The following COL13A1 variants were observed in gnomAD, a reference collection of about 807,000 sequenced individuals.
COL13A1 encodes collagen alpha-1(XIII) chain.
In COL13A1, 89 loss-of-function variants were observed where a neutral mutation model predicts 130.9. That is an observed-to-expected ratio of 0.68 (90% CI 0.57 to 0.81). The LOEUF (loss-of-function observed/expected upper bound fraction) is 0.81, where lower values mean the gene tolerates loss of function less well. Among genes scored for constraint, COL13A1 ranks in the 30% least tolerant of loss-of-function variants. COL13A1 has a pLI of 0.00. For synonymous variants in COL13A1, 402 were observed against 341.6 expected, an observed-to-expected ratio of 1.18 and a Z score of -1.95; for missense variants, 879 against 934.6, an observed-to-expected ratio of 0.94 and a Z score of 0.78.
rs138594811 is a variant in COL13A1 at position 69,832,349 on chromosome 10, C to G, written c.364+9911C>G. 9.3e-4 allele frequency among the ~76,000 whole-genome samples: 141 copies of G among 152,358 alleles called. 2 individuals are homozygous for G. The East Asian group carries it at 0.024, about 26-fold the overall frequency. On this transcript the variant is annotated intron_variant, in intron 2 of 40. Transcript: ENST00000645393. ...GGGCCTTAGTTGGAATCCCAGCTCTCTGTCTAGCTCTCCAGCACAGCAAAA... is the reference window on the plus strand; with the variant it reads ...GGGCCTTAGTTGGAATCCCAGCTCTGTGTCTAGCTCTCCAGCACAGCAAAA...
rs77522319 is a variant in COL13A1, at chr10:69,929,322, C to G, written c.1485+323C>G. Among the ~76,000 whole-genome samples the G allele has an allele frequency of 4.4e-3, 662 of 152,092 alleles. 5 individuals are homozygous for G. Among genetic ancestry groups the G allele is most frequent in the African/African-American group, 0.015 (628 of 41,490 alleles). On this transcript the variant is annotated intron_variant, in intron 28 of 40. Transcript: ENST00000645393. Reference sequence around the variant, plus strand: ...GGACCTCGGCATCTGAGCCCCTCCCCAATCCTCCCACCTCACTCCCTGCCC... The same window carrying G: ...GGACCTCGGCATCTGAGCCCCTCCCGAATCCTCCCACCTCACTCCCTGCCC...
At chr10:69,872,267 C>G in intron 4 of COL13A1, 57 bp downstream of exon 4, 1 of 1,603,234 alleles carries the variant, frequency 6.2e-7, no homozygotes, top group Non-Finnish European at 8.5e-7. Context: ...TTTTCTCAGT[C>G]TGAGGACTGG....
At chr10:69,939,553 ATGTTT>A (rs903653427) in intron 34 of COL13A1, among the ~76,000 whole-genome samples, 4 of 152,096 alleles carry the variant, frequency 2.6e-5, no homozygotes, top group Non-Finnish European at 5.9e-5. Flanking sequence ...TTTCACCTGG[ATGTTT>A]TATTCTATGT....
In COL13A1 at chr10:69,844,818, G is replaced by A. The variant is rs547396939; in HGVS notation, c.364+22380G>A. ...AGGTGAATGCAAACTGGAGAGGGTG[G>A]TGCCCCAGACTGTCAATTATAGCAG... On this transcript the variant is annotated intron_variant, in intron 2 of 40. Coordinates refer to ENST00000645393, the MANE Select transcript of COL13A1 (RefSeq NM_001368882.1). Among the ~76,000 whole-genome samples, 11 of 152,344 alleles carry A rather than the reference G, an allele frequency of 7.2e-5. No homozygotes were observed. In the East Asian group the frequency reaches 2.1e-3, roughly 29 times the overall value.
At chr10:69,923,744 A>G in intron 23 of COL13A1, 58 bp from the exon 24 acceptor site, 10 of 1,574,510 alleles carry the variant, frequency 6.4e-6, no homozygotes, top group Non-Finnish European at 7.8e-6. Flanking sequence ...CTTTTCCCTC[A>G]TAAGCAGCTG....
intron 7 of COL13A1, among the ~76,000 whole-genome samples, chr10:69,881,294 GA>G (rs1320429921): frequency 6.6e-6 from 1 of 152,140 alleles, no homozygotes; most frequent in African/African-American, 2.4e-5. Context: ...GAGGCTCAGA[GA>G]GGGGGAGCGC....
At chr10:69,921,143 T>C (rs1049286831) in intron 21 of COL13A1, among the ~76,000 whole-genome samples, 2 of 152,170 alleles carry the variant, frequency 1.3e-5, no homozygotes, top group Non-Finnish European at 2.9e-5. Context: ...GGGCTCCATC[T>C]GAGGGCCAAG....
At chr10:69,936,025 AAGAG>A (rs2066794029) in intron 32 of COL13A1, among the ~76,000 whole-genome samples, 1 of 138,864 alleles carries the variant, frequency 7.2e-6, no homozygotes, top group South Asian at 2.7e-4. Flanking sequence ...AAAAAAGAAA[AAGAG>A]AGAAAGAGAG....
Position 69,938,810 on chromosome 10 carries a change from A to G in COL13A1, c.1878+1095A>G, listed in dbSNP as rs141125596. The stretch of plus-strand genomic sequence containing the variant: ...GAAGCCAATCTGCTTGACAGACTAC[A>G]GAAAACTGATGACTTTAGCAGGCAT... On this transcript the variant is annotated intron_variant, in intron 34 of 40. Transcript: ENST00000645393. Among the ~76,000 whole-genome samples the G allele has an allele frequency of 3.8e-3, 586 of 152,318 alleles. 1 individual carries two copies. The highest frequency in any genetic ancestry group is 0.014 in the Middle Eastern group (4 of 294).
intron 14 of COL13A1, among the ~76,000 whole-genome samples, chr10:69,901,010 C>T (rs1441989307): frequency 2.0e-5 from 3 of 152,194 alleles, no homozygotes; most frequent in Non-Finnish European, 4.4e-5. Context: ...AAAATATAAA[C>T]ACACAAAGTA....
In COL13A1 at chr10:69,874,066, T is replaced by C. The variant is rs1323691339; in HGVS notation, c.400-1062T>C. On this transcript the variant is annotated intron_variant, in intron 4 of 40. Coordinates refer to ENST00000645393, the MANE Select transcript of COL13A1 (RefSeq NM_001368882.1). Reference sequence around the variant, plus strand: ...GAAAGGTTAAGGGAAGAGTCAGTGCTTCTAATCTGCACAGCTACCCTGCCA... The same window carrying C: ...GAAAGGTTAAGGGAAGAGTCAGTGCCTCTAATCTGCACAGCTACCCTGCCA... Among the ~76,000 whole-genome samples the C allele has an allele frequency of 3.0e-4, 46 of 152,240 alleles. 2 individuals are homozygous for C. Among genetic ancestry groups the C allele is most frequent in the Admixed American group, 3.0e-3 (46 of 15,286 alleles).
At chr10:69,934,833 C>A (rs2066618349) in intron 31 of COL13A1, among the ~76,000 whole-genome samples, 1 of 152,250 alleles carries the variant, frequency 6.6e-6, no homozygotes, top group Non-Finnish European at 1.5e-5. Flanking sequence ...AGTCTCCCCA[C>A]ATTCCAGATA....
chr10:69,925,720 T>G, intron 25 of COL13A1, 84 bp from the exon 26 acceptor site: 1 of 980,762 alleles, frequency 1.0e-6, no homozygotes, highest in South Asian at 1.5e-5. Flanking sequence ...GTGCAGCCAG[T>G]GTGGGCTGAT....
intron 2 of COL13A1, among the ~76,000 whole-genome samples, chr10:69,824,375 G>A (rs1443214598): frequency 1.3e-5 from 2 of 152,200 alleles, no homozygotes; most frequent in African/African-American, 4.8e-5. Flanking sequence ...CTGCCTTATT[G>A]GGGAAAGCAC....
intron 18 of COL13A1, 129 bp from the exon 19 acceptor site, chr10:69,918,156 T>C: frequency 2.8e-6 from 2 of 712,508 alleles, no homozygotes; most frequent in Admixed American, 2.6e-5. Context: ...GGTTGGTGGT[T>C]GCGGGGTTGG....
rs151308222 is a variant in COL13A1, at chr10:69,952,550, T to C, written c.2059-332T>C. On this transcript the variant is annotated intron_variant, in intron 38 of 40. Coordinates refer to ENST00000645393, the MANE Select transcript of COL13A1 (RefSeq NM_001368882.1). ...ACTCAAAGAGAAGGAAGTTGGTCCC[T>C]AGCCACTGTGTTCAGCACAGACCCA... is the stretch of plus-strand genomic sequence containing the variant. Among the ~76,000 whole-genome samples, 421 of 152,342 alleles carry C rather than the reference T, an allele frequency of 2.8e-3. 4 individuals carry two copies. Among genetic ancestry groups the C allele is most frequent in the African/African-American group, 9.9e-3 (412 of 41,574 alleles).
chr10:69,905,848 T>C (rs759706787), intron 17 of COL13A1, 26 bp downstream of exon 17: 5 of 1,612,674 alleles, frequency 3.1e-6, no homozygotes, highest in Non-Finnish European at 4.2e-6. Flanking sequence ...AGGACCCAAG[T>C]GGGGCAGGAC....
intron 38 of COL13A1, among the ~76,000 whole-genome samples, chr10:69,951,278 C>A (rs2069521242): frequency 6.6e-6 from 1 of 152,154 alleles, no homozygotes; most frequent in African/African-American, 2.4e-5. Context: ...GAAATAATGA[C>A]CATTATTATC....
rs1449702228 is a variant in COL13A1 at position 69,802,215 on chromosome 10, A to G, written c.-209A>G. ...AATAACTTTTTTCTCACCTAGGTGT[A>G]CCCCAATTACCGCTGGTTGTGCTTT... On this transcript the variant is annotated 5_prime_UTR_variant, in exon 1 of 41. Coordinates refer to ENST00000645393, the MANE Select transcript of COL13A1 (RefSeq NM_001368882.1). 1.8e-6 allele frequency: 1 copy of G among 550,086 alleles called. No homozygotes were observed. Among genetic ancestry groups the G allele is most frequent in the East Asian group, 3.5e-5 (1 of 28,588 alleles). 34.1% of individuals were successfully genotyped at this position (550,086 alleles called of 1,614,324 possible). A position where few individuals can be genotyped will look rare whatever the true frequency, so the allele number is the denominator to read the frequency against.
Sources: gnomAD v4.1 joint callset for allele counts (sites outside exome capture counted in the v4.1 genomes callset) on GRCh38, gnomAD v4.1.1 for gene constraint, MANE v1.5 for transcripts, NCBI Gene and HGNC (gene_info 2026-07-23, HGNC 2026-07-21) for gene names.